HDAC4: variants seen among roughly 807,000 people sequenced by gnomAD.
The protein encoded by HDAC4 is histone deacetylase A.
HDAC4 carries 16 observed loss-of-function variants against 135.1 expected under a neutral mutation model. The ratio of observed to expected loss-of-function variants is 0.12; its 90% CI spans 0.08 to 0.18. The LOEUF is 0.18. Among genes scored for constraint, HDAC4 ranks in the 10% least tolerant of loss-of-function variants. The pLI is 1.00. For synonymous variants in HDAC4, 685 were observed against 653.4 expected (o/e 1.05, Z -0.74); for missense variants, 1,143 against 1,511.8 (o/e 0.76, Z 4.05).
rs1260967489 is a variant in HDAC4, at chr2:239,303,184, C to A, written c.22+49494G>T. Among the ~76,000 whole-genome samples the A allele has an allele frequency of 6.6e-6, 1 of 152,248 alleles. No individual in the cohort carries two copies. The highest frequency in any genetic ancestry group is 2.4e-5 in the African/African-American group (1 of 41,458). On this transcript the variant is annotated intron_variant, in intron 2 of 26. Transcript: ENST00000543185. The surrounding 1 kb of genome is among the most constrained non-coding windows in gnomAD (Gnocchi z 5.1). ...GTGAGGCACCTGGCCCTGGCCTGTT[C>A]CCATCCCACACCCGGCTGCTCAGGC...
chr2:239,062,602 T>C (rs558980792), intron 24 of HDAC4, among the ~76,000 whole-genome samples: 46 of 152,314 alleles, frequency 3.0e-4, no homozygotes, highest in African/African-American at 9.4e-4. Context: ...TTATTTAAAA[T>C]AACTAGCCAG....
chr2:239,327,785 G>A (rs2053513512), intron 2 of HDAC4, among the ~76,000 whole-genome samples: 1 of 152,304 alleles, frequency 6.6e-6, no homozygotes, highest in Non-Finnish European at 1.5e-5. Flanking sequence ...AGCAAGCCTA[G>A]AGACACCCTG....
intron 8 of HDAC4, among the ~76,000 whole-genome samples, chr2:239,142,835 C>G (rs559854222): frequency 6.7e-6 from 1 of 149,308 alleles, no homozygotes; most frequent in South Asian, 2.1e-4. Context: ...CCCTGTCACA[C>G]ATGACTCCTG....
intron 3 of HDAC4, among the ~76,000 whole-genome samples, chr2:239,194,797 TGAGGAGGAGG>T (rs1249368219): frequency 6.6e-6 from 1 of 152,174 alleles, no homozygotes; most frequent in Non-Finnish European, 1.5e-5. Context: ...GGCCAGCAAC[TGAGGAGGAGG>T]AGGGCAGGCA....
chr2:239,387,017 G>A (rs536148974), intron 1 of HDAC4, among the ~76,000 whole-genome samples: 7 of 152,394 alleles, frequency 4.6e-5, no homozygotes, highest in South Asian at 2.1e-4. Context: ...GCGTGAGCAC[G>A]TGTGTGCAGA....
Position 239,068,890 on chromosome 2 carries a change from C to A in HDAC4, c.2751-283G>T. ...GGGAGTCACGGTGCAAGCCAGCAAG[C>A]CCCACTGCACTTGCTTGGTGAGAGG... On this transcript the variant is annotated intron_variant, in intron 22 of 26. Transcript: ENST00000543185. The surrounding 1 kb of genome is among the most constrained non-coding windows in gnomAD (Gnocchi z 4.4). 1 of 399,936 alleles carries A rather than the reference C, an allele frequency of 2.5e-6. No individual in the cohort carries two copies. The highest frequency in any genetic ancestry group is 4.8e-6 in the Non-Finnish European group (1 of 209,272). The allele number at this position is 399,936 out of a possible 1,614,324, so 24.8% of individuals were successfully genotyped here. A position where few individuals can be genotyped will look rare whatever the true frequency, so the allele number is the denominator to read the frequency against.
intron 22 of HDAC4, among the ~76,000 whole-genome samples, chr2:239,075,617 C>T (rs189057544): frequency 5.1e-4 from 77 of 152,354 alleles, no homozygotes; most frequent in African/African-American, 1.9e-3. Context: ...AGCGGCTTCT[C>T]CTCGCGGTGG....
intron 1 of HDAC4, among the ~76,000 whole-genome samples, chr2:239,398,559 C>A (rs1280429736): frequency 1.3e-5 from 2 of 152,248 alleles, no homozygotes; most frequent in Non-Finnish European, 2.9e-5. Context: ...TTCTTCTCAA[C>A]GAGGTCTCTG....
At chr2:239,271,171 T>A (rs1044484951) in intron 2 of HDAC4, among the ~76,000 whole-genome samples, 1 of 152,158 alleles carries the variant, frequency 6.6e-6, no homozygotes, top group African/African-American at 2.4e-5. Flanking sequence ...TGGAATGCAG[T>A]GGTGTGATCA....
intron 1 of HDAC4, among the ~76,000 whole-genome samples, chr2:239,367,659 C>A: frequency 6.6e-6 from 1 of 152,154 alleles, no homozygotes; most frequent in East Asian, 1.9e-4. Context: ...TATGAAATTA[C>A]CTTCACATTA....
In HDAC4 at chr2:239,313,771, C is replaced by T. The variant is rs1434521526; in HGVS notation, c.22+38907G>A. On this transcript the variant is annotated intron_variant, in intron 2 of 26. Coordinates refer to ENST00000543185, the MANE Select transcript of HDAC4 (RefSeq NM_001378414.1). The surrounding 1 kb of genome is among the most constrained non-coding windows in gnomAD (Gnocchi z 5.1). ...ACTTTTAGAGACGTCTAATTATACT[C>T]AGGGCTGAGTTGGCTGAAGAGTGAG... Among the ~76,000 whole-genome samples the T allele has an allele frequency of 6.6e-6, 1 of 152,222 alleles. No individual in the cohort carries two copies. Among genetic ancestry groups the T allele is most frequent in the Admixed American group, 6.5e-5 (1 of 15,282 alleles).
chr2:239,063,267 C>A (rs2106540948), intron 24 of HDAC4, among the ~76,000 whole-genome samples: 1 of 152,032 alleles, frequency 6.6e-6, no homozygotes, highest in South Asian at 2.1e-4. Flanking sequence ...GTGGCGCGAT[C>A]TCGGCTCACT....
intron 2 of HDAC4, among the ~76,000 whole-genome samples, chr2:239,315,109 T>C (rs1312749007): frequency 6.6e-6 from 1 of 152,190 alleles, no homozygotes; most frequent in Non-Finnish European, 1.5e-5. Flanking sequence ...AATAACTCTT[T>C]CAACCAACTG....
At position 239,115,747 on chromosome 2, in the gene HDAC4, C is replaced by T. The variant is rs537231807; in HGVS notation, c.1534-437G>A. Among the ~76,000 whole-genome samples, 2 of 152,300 alleles carry T rather than the reference C, an allele frequency of 1.3e-5. No individual in the cohort carries two copies. The highest frequency in any genetic ancestry group is 2.9e-5 in the Non-Finnish European group (2 of 68,006). On this transcript the variant is annotated intron_variant, in intron 12 of 26. Coordinates refer to ENST00000543185, the MANE Select transcript of HDAC4 (RefSeq NM_001378414.1). This position sits in a 1 kb window ranked among gnomAD's most constrained non-coding sequence, Gnocchi z 6.3. ...CCACCCACTCAGCGGAAGACAACCA[C>T]GTCCACAATGCTCACTGCCCAATCC...
In HDAC4 at chr2:239,207,957, T is replaced by G. The variant is rs1463815701; in HGVS notation, c.95-17880A>C. On this transcript the variant is annotated intron_variant, in intron 3 of 26. Coordinates refer to ENST00000543185, the MANE Select transcript of HDAC4 (RefSeq NM_001378414.1). Reference sequence around the variant, plus strand: ...ACAGTCACAAAAATCTCAAATAAACTATGAGCAAGCTTAATCTAATAGTCT... The same window carrying G: ...ACAGTCACAAAAATCTCAAATAAACGATGAGCAAGCTTAATCTAATAGTCT... 5.9e-5 allele frequency among the ~76,000 whole-genome samples: 9 copies of G among 152,184 alleles called. No individual in the cohort carries two copies. The East Asian group carries it at 9.7e-4, about 16-fold the overall frequency.
At chr2:239,317,547 G>C (rs1231484972) in intron 2 of HDAC4, among the ~76,000 whole-genome samples, 5 of 152,152 alleles carry the variant, frequency 3.3e-5, no homozygotes, top group Admixed American at 3.3e-4. Flanking sequence ...GCATGAAGGG[G>C]CTCTCATTGG....
At chr2:239,055,510 C>T (rs573702092) in intron 24 of HDAC4, among the ~76,000 whole-genome samples, 18 of 152,212 alleles carry the variant, frequency 1.2e-4, no homozygotes, top group African/African-American at 3.9e-4. Context: ...TGAGGTCAGG[C>T]GTTCCAGACC....
intron 24 of HDAC4, among the ~76,000 whole-genome samples, 177 bp from the exon 25 acceptor site, chr2:239,055,010 T>G (rs2031581805): frequency 7.1e-6 from 1 of 139,914 alleles, no homozygotes; most frequent in Admixed American, 6.9e-5. Context: ...TTTATAATTT[T>G]TTTGTAAAAG....
chr2:239,283,188 C>T (rs115781749), intron 2 of HDAC4, among the ~76,000 whole-genome samples: 2,735 of 152,372 alleles, frequency 0.018, 38 homozygotes, highest in Non-Finnish European at 0.027. Context: ...CAAGAGGACA[C>T]CACGGGCCTG....
Sources: allele counts gnomAD v4.1 joint callset (sites outside exome capture counted in the v4.1 genomes callset), GRCh38; gene constraint gnomAD v4.1.1; non-coding constraint Gnocchi (gnomAD v3.1); transcripts MANE v1.5; gene names NCBI Gene and HGNC (gene_info 2026-07-23, HGNC 2026-07-21).